KHDRBS2: variants seen among roughly 807,000 people sequenced by gnomAD.
KHDRBS2 encodes the protein KH RNA binding domain containing, signal transduction associated 2, also known as KH domain-containing, RNA-binding, signal transduction-associated protein 2.
In KHDRBS2, 26 loss-of-function variants were observed where a neutral mutation model predicts 44.3. That is an observed-to-expected ratio of 0.59 (90% CI 0.43 to 0.81). KHDRBS2 has a LOEUF of 0.81. KHDRBS2 is among the 40% of genes least tolerant of loss of function. KHDRBS2 has a pLI of 0.00. For missense variants in KHDRBS2, 476 were observed against 433.1 expected (o/e 1.10, Z -0.88); for synonymous variants, 194 against 151.1 (o/e 1.28, Z -2.08).
At chr6:62,061,737 G>C (rs1183252004) in intron 2 of KHDRBS2, among the ~76,000 whole-genome samples, 1 of 149,994 alleles carries the variant, frequency 6.7e-6, no homozygotes, top group Non-Finnish European at 1.5e-5. Context: ...CTAGATTGGG[G>C]AAGTTCTCCT....
rs559345686 is a variant in KHDRBS2 at position 61,862,635 on chromosome 6, A to G, written c.810+32000T>C. On this transcript the variant is annotated intron_variant, in intron 6 of 8. Transcript: ENST00000281156. ...ATGAATCATGTTTATTTATTTGCAT[A>G]TGCTTAACCAACCTTGCGTCCTGAA... is the stretch of plus-strand genomic sequence containing the variant. Among the ~76,000 whole-genome samples, 7 of 152,264 alleles carry G rather than the reference A, an allele frequency of 4.6e-5. No individual in the cohort carries two copies. The South Asian group carries it at 1.5e-3, about 32-fold the overall frequency.
chr6:61,817,733 C>T (rs924798375), intron 6 of KHDRBS2, among the ~76,000 whole-genome samples: 23 of 151,876 alleles, frequency 1.5e-4, no homozygotes, highest in Admixed American at 1.4e-3. Context: ...ACCCTACTAA[C>T]CTTTACATAG....
intron 6 of KHDRBS2, among the ~76,000 whole-genome samples, chr6:61,875,275 T>C (rs1799256565): frequency 6.6e-6 from 1 of 151,752 alleles, no homozygotes; most frequent in Non-Finnish European, 1.5e-5. Context: ...CGGAAACCCA[T>C]ATAATGTTCT....
chr6:61,688,005 T>C (rs926705511), intron 8 of KHDRBS2, among the ~76,000 whole-genome samples: 1 of 151,896 alleles, frequency 6.6e-6, no homozygotes, highest in Non-Finnish European at 1.5e-5. Flanking sequence ...CTATACATTA[T>C]TGTATTTAAT....
intron 2 of KHDRBS2, among the ~76,000 whole-genome samples, chr6:62,143,408 T>A (rs770237890): frequency 6.6e-6 from 1 of 152,074 alleles, no homozygotes; most frequent in Non-Finnish European, 1.5e-5. Flanking sequence ...TTAATGTATA[T>A]ATTTAATAGA....
At chr6:61,718,651 T>G (rs1771838230) in intron 7 of KHDRBS2, among the ~76,000 whole-genome samples, 1 of 152,070 alleles carries the variant, frequency 6.6e-6, no homozygotes, top group Admixed American at 6.6e-5. Context: ...GGATAGAAAC[T>G]CCCTGTACTT....
chr6:61,872,494 A>G (rs571008931), intron 6 of KHDRBS2, among the ~76,000 whole-genome samples: 3 of 152,176 alleles, frequency 2.0e-5, no homozygotes, highest in Non-Finnish European at 2.9e-5. Flanking sequence ...AATGACATTG[A>G]TAATTTTTAA....
intron 4 of KHDRBS2, among the ~76,000 whole-genome samples, chr6:61,967,708 T>G (rs1770358404): frequency 6.6e-6 from 1 of 151,594 alleles, no homozygotes; most frequent in Non-Finnish European, 1.5e-5. Flanking sequence ...ATGTTGAAGT[T>G]ATTTATTAGA....
intron 6 of KHDRBS2, among the ~76,000 whole-genome samples, chr6:61,750,820 G>T (rs1432889889): frequency 1.3e-5 from 2 of 150,592 alleles, no homozygotes; most frequent in Non-Finnish European, 2.9e-5. Flanking sequence ...GTCAAATTTG[G>T]CAAATGTTAC....
intron 2 of KHDRBS2, among the ~76,000 whole-genome samples, chr6:62,065,873 T>C (rs1793550768): frequency 6.6e-6 from 1 of 151,832 alleles, no homozygotes; most frequent in Non-Finnish European, 1.5e-5. Flanking sequence ...TTTAATAATG[T>C]CAACACATAC....
intron 2 of KHDRBS2, among the ~76,000 whole-genome samples, chr6:62,084,090 C>T (rs1797949320): frequency 6.6e-6 from 1 of 151,968 alleles, no homozygotes; most frequent in African/African-American, 2.4e-5. Flanking sequence ...TTTTGTGTGG[C>T]CATATAGTCC....
intron 2 of KHDRBS2, among the ~76,000 whole-genome samples, chr6:62,095,781 T>G (rs1251437037): frequency 6.6e-6 from 1 of 151,934 alleles, no homozygotes; most frequent in Non-Finnish European, 1.5e-5. Context: ...CAAGTGGACA[T>G]TCTTGTCTTG....
At chr6:61,871,159 C>T (rs756631488) in intron 6 of KHDRBS2, among the ~76,000 whole-genome samples, 4 of 152,124 alleles carry the variant, frequency 2.6e-5, no homozygotes, top group Non-Finnish European at 5.9e-5. Context: ...TAGAGAGGAA[C>T]ATAAATGACC....
At chr6:61,963,904 T>C (rs1769314660) in intron 4 of KHDRBS2, among the ~76,000 whole-genome samples, 2 of 152,044 alleles carry the variant, frequency 1.3e-5, no homozygotes, top group Non-Finnish European at 2.9e-5. Flanking sequence ...GAGGAAAATA[T>C]TGTTTCTTCC....
At chr6:61,610,901 A>T in the KHDRBS2 span, among the ~76,000 whole-genome samples, 135 of 152,258 alleles carry the variant, frequency 8.9e-4, 2 homozygotes, top group East Asian at 0.025. Flanking sequence ...ACTTAATAAT[A>T]CCTATTAACA....
At position 62,202,031 on chromosome 6, in the gene KHDRBS2, T is replaced by C. The variant is rs541538215; in HGVS notation, c.92-24719A>G. On this transcript the variant is annotated intron_variant, in intron 1 of 8. Coordinates refer to ENST00000281156, the MANE Select transcript of KHDRBS2 (RefSeq NM_152688.4). ...TAAATGAAGAAACAATAAATATTCA[T>C]TTTTTAAAAAGTAGTTTTCAAGCAT... Among the ~76,000 whole-genome samples the C allele has an allele frequency of 3.9e-5, 6 of 152,198 alleles. No individual in the cohort carries two copies. The East Asian group carries it at 1.2e-3, about 29-fold the overall frequency.
chr6:61,859,639 T>C (rs775154639), intron 6 of KHDRBS2, among the ~76,000 whole-genome samples: 74 of 151,972 alleles, frequency 4.9e-4, no homozygotes, highest in Non-Finnish European at 9.7e-4. Context: ...CAGGTCTCAA[T>C]GGAGTTCCAA....
intron 1 of KHDRBS2, among the ~76,000 whole-genome samples, chr6:62,190,818 C>T (rs962197184): frequency 3.3e-5 from 5 of 152,070 alleles, no homozygotes; most frequent in African/African-American, 1.2e-4. Flanking sequence ...GCAAGAGTTA[C>T]TCCCTGGTAC....
At chr6:61,562,881 G>A in the KHDRBS2 span, among the ~76,000 whole-genome samples, 1 of 152,030 alleles carries the variant, frequency 6.6e-6, no homozygotes, top group African/African-American at 2.4e-5. Context: ...TCTTACATGA[G>A]GATGAGTTGT....
Sources: allele counts gnomAD v4.1 joint callset (sites outside exome capture counted in the v4.1 genomes callset), GRCh38; gene constraint gnomAD v4.1.1; transcripts MANE v1.5; gene names NCBI Gene and HGNC (gene_info 2026-07-23, HGNC 2026-07-21).